Variants in ESRRG observed in about 807,000 individuals in gnomAD.
ESRRG encodes estrogen-related receptor gamma.
A neutral mutation model predicts 44.0 loss-of-function variants in ESRRG; 13 were observed. That is an observed-to-expected ratio of 0.30 (90% CI 0.19 to 0.47). ESRRG has a LOEUF of 0.47. Ranked by LOEUF, ESRRG falls within the 20% of genes least tolerant of loss-of-function variation. ESRRG has a pLI of 1.00. For missense variants in ESRRG, 395 were observed against 580.6 expected (o/e 0.68, Z 3.29); for synonymous variants, 215 against 214.6 (o/e 1.00, Z -0.02).
intron 5 of ESRRG, among the ~76,000 whole-genome samples, chr1:216,559,117 G>T (rs79791348): frequency 0.18 from 27,067 of 151,952 alleles, 3,032 homozygotes; most frequent in Non-Finnish European, 0.25. Context: ...TGATCCACCT[G>T]CCTCGGCCTC....
chr1:216,962,408 C>T lies in ESRRG; in HGVS notation c.-105-22735G>A, dbSNP rs547503074. On this transcript the variant is annotated intron_variant, in intron 1 of 7. Transcript: ENST00000359162. ...TAGTGTAGCTAAGTGCCTAAAATTCCCTTGTCTGTGAATGTTTAAAAACGT... is the reference window on the plus strand; with the variant it reads ...TAGTGTAGCTAAGTGCCTAAAATTCTCTTGTCTGTGAATGTTTAAAAACGT... Among the ~76,000 whole-genome samples the T allele has an allele frequency of 2.7e-4, 41 of 152,148 alleles. 1 individual carries two copies. The South Asian group carries it at 7.9e-3, about 29-fold the overall frequency.
At chr1:217,132,841 C>T (rs2102542362) in intron 1 of ESRRG, among the ~76,000 whole-genome samples, 1 of 152,234 alleles carries the variant, frequency 6.6e-6, no homozygotes. Context: ...TCCAGAGTTG[C>T]TTGAAAACGA....
chr1:216,744,481 C>T (rs930024037), intron 2 of ESRRG, among the ~76,000 whole-genome samples: 2 of 22,124 alleles, frequency 9.0e-5, no homozygotes, highest in Non-Finnish European at 2.3e-4. Flanking sequence ...TGCACACAGA[C>T]ATGCACACAC....
At chr1:217,035,104 CTTGGCCTG>C (rs2082652861) in intron 1 of ESRRG, among the ~76,000 whole-genome samples, 1 of 152,102 alleles carries the variant, frequency 6.6e-6, no homozygotes, top group Non-Finnish European at 1.5e-5. Flanking sequence ...CCTTACAGGA[CTTGGCCTG>C]AGTTTCATCA....
At chr1:217,053,140 A>AAAAAAAAAAAACAAAAAACAAAAAAC (rs1558123777) in intron 1 of ESRRG, among the ~76,000 whole-genome samples, 30 of 150,442 alleles carry the variant, frequency 2.0e-4, no homozygotes, top group African/African-American at 7.3e-4. Context: ...TCTTAAAAAA[A>AAAAAAAAAAAACAAAAAACAAAAAAC]AAAAAAAAAA....
intron 2 of ESRRG, among the ~76,000 whole-genome samples, chr1:216,755,948 C>A (rs1214019366): frequency 2.6e-5 from 4 of 151,956 alleles, no homozygotes; most frequent in South Asian, 4.1e-4. Flanking sequence ...GACCCTGGCC[C>A]CCCTGCACAT....
chr1:217,103,982 C>T (rs1580584079), intron 1 of ESRRG, among the ~76,000 whole-genome samples: 2 of 152,108 alleles, frequency 1.3e-5, no homozygotes, highest in South Asian at 4.1e-4. Flanking sequence ...GCAGGATCAA[C>T]CTCACTTGGC....
At chr1:216,599,179 A>C (rs1409681800) in intron 3 of ESRRG, among the ~76,000 whole-genome samples, 1 of 152,114 alleles carries the variant, frequency 6.6e-6, no homozygotes, top group African/African-American at 2.4e-5. Context: ...TTATTTTATA[A>C]TCAACCCACA....
At chr1:216,605,388 AC>A (rs2059795841) in intron 3 of ESRRG, among the ~76,000 whole-genome samples, 1 of 152,170 alleles carries the variant, frequency 6.6e-6, no homozygotes. Context: ...TTAAAAAAAA[AC>A]AAAGTGTGAA....
At chr1:216,789,201 A>C (rs938728222) in intron 2 of ESRRG, among the ~76,000 whole-genome samples, 2 of 152,140 alleles carry the variant, frequency 1.3e-5, no homozygotes, top group South Asian at 4.1e-4. Flanking sequence ...TGCAACAGAG[A>C]AATTATTCAT....
At chr1:216,856,567 A>G (rs184648276) in intron 2 of ESRRG, among the ~76,000 whole-genome samples, 4 of 152,228 alleles carry the variant, frequency 2.6e-5, no homozygotes, top group Non-Finnish European at 5.9e-5. Flanking sequence ...AAGTGGTGAT[A>G]TTTGAAGCAC....
chr1:217,120,665 A>G (rs1243463523), intron 1 of ESRRG, among the ~76,000 whole-genome samples: 1 of 152,126 alleles, frequency 6.6e-6, no homozygotes, highest in African/African-American at 2.4e-5. Context: ...CCTTTCATAC[A>G]TCCCAAATTC....
intron 4 of ESRRG, 65 bp downstream of exon 4, chr1:216,567,923 A>G: frequency 2.0e-6 from 2 of 1,017,142 alleles, no homozygotes; most frequent in Non-Finnish European, 3.1e-6. Flanking sequence ...GCCAAAGCTG[A>G]TGTACATAGA....
In ESRRG at chr1:216,629,285, G is replaced by A. The variant is rs1393261956; in HGVS notation, c.589+21688C>T. ...ACATCAGCACATAAACCAATAAGCTGACAGTGGAAAATTTCAGGGTTGTTT... is the reference window on the plus strand; with the variant it reads ...ACATCAGCACATAAACCAATAAGCTAACAGTGGAAAATTTCAGGGTTGTTT... On this transcript the variant is annotated intron_variant, in intron 3 of 6. Coordinates refer to ENST00000408911, the MANE Select transcript of ESRRG (RefSeq NM_001438.4). Among the ~76,000 whole-genome samples, 4 of 152,182 alleles carry A rather than the reference G, an allele frequency of 2.6e-5. No individual in the cohort carries two copies. In the East Asian group the frequency reaches 7.7e-4, roughly 29 times the overall value.
intron 1 of ESRRG, among the ~76,000 whole-genome samples, chr1:217,100,565 G>A (rs568458161): frequency 8.5e-5 from 13 of 152,284 alleles, no homozygotes; most frequent in African/African-American, 3.1e-4. Flanking sequence ...GTAAATACCT[G>A]TCACTGGGTA....
chr1:216,639,163 TA>T (rs2065896063), intron 3 of ESRRG, among the ~76,000 whole-genome samples: 2 of 152,120 alleles, frequency 1.3e-5, no homozygotes, highest in South Asian at 4.1e-4. Context: ...GGGACCATTA[TA>T]GAAGTCACAA....
At chr1:216,851,827 C>A (rs1208957888) in intron 2 of ESRRG, among the ~76,000 whole-genome samples, 1 of 151,938 alleles carries the variant, frequency 6.6e-6, no homozygotes, top group Non-Finnish European at 1.5e-5. Flanking sequence ...ATAAACAAGA[C>A]CAATCAAACA....
At chr1:216,653,258 G>A (rs750785058) in intron 2 of ESRRG, among the ~76,000 whole-genome samples, 3 of 152,044 alleles carry the variant, frequency 2.0e-5, no homozygotes, top group Admixed American at 6.5e-5. Context: ...CTCACACCTG[G>A]ACTATGGCAG....
chr1:216,894,951 A>G (rs566663137), intron 2 of ESRRG, among the ~76,000 whole-genome samples: 1 of 152,186 alleles, frequency 6.6e-6, no homozygotes, highest in Non-Finnish European at 1.5e-5. Context: ...ATTTCTTTTC[A>G]AGTCTAGTAC....
Sources: gnomAD v4.1 joint callset for allele counts (sites outside exome capture counted in the v4.1 genomes callset) on GRCh38, gnomAD v4.1.1 for gene constraint, MANE v1.5 for transcripts, NCBI Gene and HGNC (gene_info 2026-07-23, HGNC 2026-07-21) for gene names.